KIF5A: variants seen among roughly 807,000 people sequenced by gnomAD.
KIF5A encodes kinesin family member 5A.
Under a neutral mutation model 141.3 loss-of-function variants are expected in KIF5A, and 35 were observed. That is an observed-to-expected ratio of 0.25 (90% CI 0.19 to 0.33). The LOEUF is 0.33. KIF5A is among the 10% of genes least tolerant of loss of function. KIF5A has a pLI of 1.00. For synonymous variants in KIF5A, 448 were observed against 500.2 expected, an observed-to-expected ratio of 0.90 and a Z score of 1.39; for missense variants, 861 against 1,314.3, an observed-to-expected ratio of 0.66 and a Z score of 5.33.
Position 57,550,138 on chromosome 12 carries a change from C to T in KIF5A, c.-134C>T. ...CCGGCCCTGCTCCCCAGGCTTCGCC[C>T]GGGCGCCCTCAACTCTGTCCCCAGA... On this transcript the variant is annotated 5_prime_UTR_variant, in exon 1 of 29. Transcript: ENST00000455537. The surrounding 1 kb of genome is among the most constrained non-coding windows in gnomAD (Gnocchi z 4.6). 7.8e-7 allele frequency: 1 copy of T among 1,288,232 alleles called. No individual in the cohort carries two copies. The highest frequency in any genetic ancestry group is 1.1e-6 in the Non-Finnish European group (1 of 902,462). 79.8% of individuals were successfully genotyped at this position (1,288,232 alleles called of 1,614,324 possible).
At chr12:57,569,102 C>T in intron 9 of KIF5A, 35 bp downstream of exon 9, 1 of 1,573,398 alleles carries the variant, frequency 6.4e-7, no homozygotes, top group Non-Finnish European at 8.7e-7. Flanking sequence ...CCCCTCAAGC[C>T]ACACCCCATC....
intron 8 of KIF5A, 141 bp from the exon 9 acceptor site, chr12:57,568,822 C>G (rs1303627728): frequency 1.4e-6 from 1 of 694,960 alleles, no homozygotes; most frequent in Non-Finnish European, 2.6e-6. Context: ...GGGCCTTCCC[C>G]AATCCCAGCC....
chr12:57,576,347 G>A lies in KIF5A; in HGVS notation c.2167G>A (p.Glu723Lys), dbSNP rs759690535. ...QLARLRDEINEKQKTIDELKD... is the reference protein window; with the variant it reads ...QLARLRDEINKKQKTIDELKD... ...GGCCCGGCTCCGGGACGAGATCAAC[G>A]AGAAGCAGAAGACCATTGATGAGCT... The change falls in exon 19 of 29, where the codon GAG becomes AAG. Residue 723 changes from glutamate (E) to lysine (K), a missense_variant. Glu to Lys is a moderately conservative substitution (Grantham distance 56, BLOSUM62 1). This residue lies in a region of KIF5A where 482 missense variants were observed against 661.3 expected (regional missense o/e 0.73). Transcript: ENST00000455537. 14 of 1,613,980 alleles carry A rather than the reference G, an allele frequency of 8.7e-6. No homozygotes were observed. Among genetic ancestry groups the A allele is most frequent in the South Asian group, 2.2e-5 (2 of 91,052 alleles).
In KIF5A at chr12:57,578,263, G is replaced by A. The variant is rs1882487540; in HGVS notation, c.2459G>A (p.Ser820Asn). The part of the protein sequence containing the change: ...KKSAEMEPED[S>N]GGIHSQKQKI... ...AGTGCAGAAATGGAGCCCGAAGACA[G>A]TGGGGGGATTCACTCCCAAAAGCAG... is the stretch of plus-strand genomic sequence containing the variant. The change falls in exon 23 of 29, where the codon AGT becomes AAT. Residue 820 changes from serine to asparagine, a missense_variant. Physicochemically the swap from Ser to Asn is conservative, Grantham distance 46. This residue lies in a region of KIF5A where 482 missense variants were observed against 661.3 expected (regional missense o/e 0.73). Transcript: ENST00000455537. 6.2e-7 allele frequency: 1 copy of A among 1,614,106 alleles called. No individual in the cohort carries two copies. The highest frequency in any genetic ancestry group is 8.5e-7 in the Non-Finnish European group (1 of 1,179,958).
chr12:57,585,788 A>C lies in KIF5A; in HGVS notation c.*1607A>C, dbSNP rs1232512230. The C allele has an allele frequency of 6.6e-6, 1 of 152,228 alleles. No homozygotes were observed. The highest frequency in any genetic ancestry group is 1.5e-5 in the Non-Finnish European group (1 of 68,038). The allele number at this position is 152,228 out of a possible 1,614,324, so 9.4% of individuals were successfully genotyped here. A position where few individuals can be genotyped will look rare whatever the true frequency, so the allele number is the denominator to read the frequency against. ...CCTTTTAGCAGTTAGGGAGAACTGC[A>C]GGGGGAAAAATACCAGTGGAGTGTG... On this transcript the variant is annotated 3_prime_UTR_variant, in exon 29 of 29. Coordinates refer to ENST00000455537, the MANE Select transcript of KIF5A (RefSeq NM_004984.4).
rs1230110817 is a variant in KIF5A, at chr12:57,550,496, C to T, written c.129+96C>T. 9 of 1,273,052 alleles carry T rather than the reference C, an allele frequency of 7.1e-6. No homozygotes were observed. Among genetic ancestry groups the T allele is most frequent in the African/African-American group, 5.8e-5 (4 of 68,442 alleles). The allele number at this position is 1,273,052 out of a possible 1,614,324, so 78.9% of individuals were successfully genotyped here. A position where few individuals can be genotyped will look rare whatever the true frequency, so the allele number is the denominator to read the frequency against. Reference sequence around the variant, plus strand: ...TAGTCTCTGCTGGTCCCTTTGCTCCCCCTCCCCGCCGCTCATCCTTCATCC... The same window carrying T: ...TAGTCTCTGCTGGTCCCTTTGCTCCTCCTCCCCGCCGCTCATCCTTCATCC... On this transcript the variant is annotated intron_variant, in intron 1 of 28. Coordinates refer to ENST00000455537, the MANE Select transcript of KIF5A (RefSeq NM_004984.4). The surrounding 1 kb of genome is among the most constrained non-coding windows in gnomAD (Gnocchi z 4.6).
chr12:57,569,359 G>T lies in KIF5A; in HGVS notation c.923G>T (p.Ser308Ile), dbSNP rs1381157336. 1 of 1,614,040 alleles carries T rather than the reference G, an allele frequency of 6.2e-7. No individual in the cohort carries two copies. Among genetic ancestry groups the T allele is most frequent in the Non-Finnish European group, 8.5e-7 (1 of 1,179,972 alleles). Reference protein sequence around the residue: ...TTMFICCSPSSYNDAETKSTL... With the variant: ...TTMFICCSPSIYNDAETKSTL... ...ATGTTCATCTGTTGCTCACCATCCAGTTATAATGATGCAGAGACCAAGTCC... is the reference window on the plus strand; with the variant it reads ...ATGTTCATCTGTTGCTCACCATCCATTTATAATGATGCAGAGACCAAGTCC... Residue 308 changes from serine to isoleucine, a missense_variant, in exon 10 of 29, where the codon AGT becomes ATT. By Grantham distance (142) the Ser-to-Ile change is moderately radical (BLOSUM62 -2). Coordinates refer to ENST00000455537, the MANE Select transcript of KIF5A (RefSeq NM_004984.4).
chr12:57,576,338 G>A lies in KIF5A; in HGVS notation c.2158G>A (p.Glu720Lys), dbSNP rs1457616326. The change falls in exon 19 of 29, where the codon GAG (glutamate) becomes AAG (lysine). Residue 720 changes from glutamate to lysine, a missense_variant. Transcript: ENST00000455537. ...HHRQLARLRDEINEKQKTIDE... is the reference protein window; with the variant it reads ...HHRQLARLRDKINEKQKTIDE... ...CCGGCAGCTGGCCCGGCTCCGGGACGAGATCAACGAGAAGCAGAAGACCAT... is the reference window on the plus strand; with the variant it reads ...CCGGCAGCTGGCCCGGCTCCGGGACAAGATCAACGAGAAGCAGAAGACCAT... 14 of 1,613,982 alleles carry A rather than the reference G, an allele frequency of 8.7e-6. No homozygotes were observed. Among genetic ancestry groups the A allele is most frequent in the East Asian group, 2.2e-5 (1 of 44,890 alleles).
At chr12:57,573,117 G>A (rs1480608442) in intron 15 of KIF5A, among the ~76,000 whole-genome samples, 1 of 152,170 alleles carries the variant, frequency 6.6e-6, no homozygotes, top group African/African-American at 2.4e-5. Flanking sequence ...CTTCAACCTG[G>A]GAGGTAGAGG....
Position 57,569,660 on chromosome 12 carries a change from C to G in KIF5A, c.1094C>G (p.Ala365Gly). The G allele has an allele frequency of 6.2e-7, 1 of 1,613,930 alleles. No individual in the cohort carries two copies. Among genetic ancestry groups the G allele is most frequent in the Non-Finnish European group, 8.5e-7 (1 of 1,180,022 alleles). ...AAGGAGACGATTGCGAAGCTGGAGG[C>G]TGAGCTGAGCCGGTGGCGCAATGGT... ...AQKETIAKLE[A>G]ELSRWRNGEN... The change falls in exon 11 of 29, where the codon GCT (alanine) becomes GGT (glycine). Residue 365 changes from alanine (A) to glycine (G), a missense_variant. By Grantham distance (60) the Ala-to-Gly change is moderately conservative. Around this residue, in one of 5 missense-constraint regions of KIF5A, gnomAD observed 167 missense variants for 192.0 expected, o/e 0.87. Coordinates refer to ENST00000455537, the MANE Select transcript of KIF5A (RefSeq NM_004984.4).
In KIF5A at chr12:57,575,107, C is replaced by T. The variant is rs149622711; in HGVS notation, c.1740C>T (p.Ile580=). The change falls in exon 16 of 29, where the codon ATC becomes ATT. Residue 580 remains isoleucine, a synonymous_variant. Transcript: ENST00000455537. The part of the protein sequence containing the change: ...IKLPVEISGA[I]EEEFTVARLY... The stretch of plus-strand genomic sequence containing the variant: ...AGCCAGTGGAGATCAGTGGGGCCAT[C>T]GAGGAGGAGTTCACTGTGGCCCGAC... 22 of 1,613,896 alleles carry T rather than the reference C, an allele frequency of 1.4e-5. No individual in the cohort carries two copies. The African/African-American group carries it at 2.0e-4, about 15-fold the overall frequency.
In KIF5A at chr12:57,570,959, ATTT is replaced by A. The variant is rs58715013; in HGVS notation, c.1294-343_1294-341del. ...AGGTGCACACCACCACGCCCAGCTA[ATTT>A]TTTTTTTTTTTTTTTTTTGGTAGAG... On this transcript the variant is annotated intron_variant, in intron 12 of 28. Coordinates refer to ENST00000455537, the MANE Select transcript of KIF5A (RefSeq NM_004984.4). 4.5e-3 allele frequency among the ~76,000 whole-genome samples: 576 copies of A among 129,316 alleles called. 16 individuals carry two copies. The East Asian group carries it at 0.077, about 17-fold the overall frequency. 84.8% of individuals were successfully genotyped at this position (129,316 alleles called of 152,430 possible).
chr12:57,573,531 A>C (rs1594920369), intron 15 of KIF5A, among the ~76,000 whole-genome samples: 1 of 136,986 alleles, frequency 7.3e-6, no homozygotes, highest in African/African-American at 2.7e-5. Flanking sequence ...ACCTTGTCTT[A>C]AAAAAAAAAA....
In KIF5A at chr12:57,569,976, C is replaced by G; in HGVS notation, c.1118-11C>G. On this transcript the variant is annotated splice_polypyrimidine_tract_variant and intron_variant, in intron 11 of 28. Coordinates refer to ENST00000455537, the MANE Select transcript of KIF5A (RefSeq NM_004984.4). ...TTCTTCCATCTCTCACCTCGTCTTG[C>G]CCCTTTGCAGGAGAGAATGTGCCTG... is the stretch of plus-strand genomic sequence containing the variant. 1.2e-6 allele frequency: 2 copies of G among 1,612,424 alleles called. No individual in the cohort carries two copies. Among genetic ancestry groups the G allele is most frequent in the Non-Finnish European group, 1.7e-6 (2 of 1,178,818 alleles).
At chr12:57,573,159 C>T (rs773308568) in intron 15 of KIF5A, among the ~76,000 whole-genome samples, 1 of 152,200 alleles carries the variant, frequency 6.6e-6, no homozygotes, top group Non-Finnish European at 1.5e-5. Flanking sequence ...CCACTGCACT[C>T]TAGCCTGGGT....
At position 57,585,712 on chromosome 12, in the gene KIF5A, C is replaced by T. The variant is rs1882739177; in HGVS notation, c.*1531C>T. On this transcript the variant is annotated 3_prime_UTR_variant, in exon 29 of 29. Transcript: ENST00000455537. ...AGCTGGTAAGCGCAGGCTGCACTGGCCCATGACTCCTTCAAGGAAAAGAGG... is the reference window on the plus strand; with the variant it reads ...AGCTGGTAAGCGCAGGCTGCACTGGTCCATGACTCCTTCAAGGAAAAGAGG... The T allele has an allele frequency of 6.6e-6, 1 of 152,240 alleles. No homozygotes were observed. The highest frequency in any genetic ancestry group is 2.1e-4 in the South Asian group (1 of 4,834). 9.4% of individuals were successfully genotyped at this position (152,240 alleles called of 1,614,324 possible).
At chr12:57,566,708 C>T (rs1246907504) in intron 6 of KIF5A, among the ~76,000 whole-genome samples, 2 of 151,902 alleles carry the variant, frequency 1.3e-5, no homozygotes, top group African/African-American at 4.8e-5. Flanking sequence ...AGCCACCATG[C>T]CCGCCACTGT....
chr12:57,573,559 G>T (rs1161823824), intron 15 of KIF5A, among the ~76,000 whole-genome samples: 1 of 151,990 alleles, frequency 6.6e-6, no homozygotes, highest in East Asian at 1.9e-4. Flanking sequence ...GCTGTACATG[G>T]TGGCTCACGC....
At position 57,550,898 on chromosome 12, in the gene KIF5A, T is replaced by C. The variant is rs568543635; in HGVS notation, c.129+498T>C. 4.6e-5 allele frequency among the ~76,000 whole-genome samples: 7 copies of C among 152,194 alleles called. No individual in the cohort carries two copies. Among genetic ancestry groups the C allele is most frequent in the African/African-American group, 1.7e-4 (7 of 41,522 alleles). Reference sequence around the variant, plus strand: ...TAAGACCAAACCTTCCATCATTCCCTAAAGTAGTTATAGCCTGGATTTTTG... The same window carrying C: ...TAAGACCAAACCTTCCATCATTCCCCAAAGTAGTTATAGCCTGGATTTTTG... On this transcript the variant is annotated intron_variant, in intron 1 of 28. Transcript: ENST00000455537. This position sits in a 1 kb window ranked among gnomAD's most constrained non-coding sequence, Gnocchi z 4.6.
Sources: allele counts gnomAD v4.1 joint callset (sites outside exome capture counted in the v4.1 genomes callset), GRCh38; gene constraint gnomAD v4.1.1; regional missense constraint gnomAD v4.1.1; non-coding constraint Gnocchi (gnomAD v3.1); transcripts MANE v1.5; gene names NCBI Gene and HGNC (gene_info 2026-07-23, HGNC 2026-07-21).